KCNT2: variants seen among roughly 807,000 people sequenced by gnomAD.
KCNT2 encodes the protein potassium channel subfamily T member 2.
A neutral mutation model predicts 153.8 loss-of-function variants in KCNT2; 67 were observed. The ratio of observed to expected loss-of-function variants is 0.44; its 90% CI spans 0.36 to 0.53. The LOEUF (loss-of-function observed/expected upper bound fraction) is 0.53, where lower values mean the gene tolerates loss of function less well. KCNT2 is among the 20% of genes least tolerant of loss of function. The pLI is 0.00. For missense variants in KCNT2, 975 were observed against 1,354.8 expected (o/e 0.72, Z 4.40); for synonymous variants, 500 against 458.8 (o/e 1.09, Z -1.15).
In KCNT2 at chr1:196,504,870, G is replaced by C. The variant is rs574828732; in HGVS notation, c.96-12529C>G. Among the ~76,000 whole-genome samples, 106 of 152,284 alleles carry C rather than the reference G, an allele frequency of 7.0e-4. 1 individual carries two copies. The highest frequency in any genetic ancestry group is 2.4e-3 in the African/African-American group (101 of 41,562). On this transcript the variant is annotated intron_variant, in intron 1 of 27. Coordinates refer to ENST00000294725, the MANE Select transcript of KCNT2 (RefSeq NM_198503.5). Reference sequence around the variant, plus strand: ...GCATTTTTTTATGTGTTTTTTGGCTGCATAAATGTCTTCTTTTGAGAAGCA... The same window carrying C: ...GCATTTTTTTATGTGTTTTTTGGCTCCATAAATGTCTTCTTTTGAGAAGCA...
intron 22 of KCNT2, among the ~76,000 whole-genome samples, chr1:196,290,089 T>TAA (rs1039336872): frequency 6.8e-6 from 1 of 147,360 alleles, no homozygotes; most frequent in East Asian, 2.0e-4. Context: ...GTGTGGGAGG[T>TAA]AAAAAAAAAA....
At position 196,342,182 on chromosome 1, in the gene KCNT2, A is replaced by G. The variant is rs997188395; in HGVS notation, c.1450T>C (p.Cys484Arg). ...ATGTGGTAGACTTCATTCCCGGAGCATCTACCGTACATCTTCTGCCATTGT... is the reference window on the plus strand; with the variant it reads ...ATGTGGTAGACTTCATTCCCGGAGCGTCTACCGTACATCTTCTGCCATTGT... Reference protein sequence around the residue: ...PEQWQKMYGRCSGNEVYHIVL... With the variant: ...PEQWQKMYGRRSGNEVYHIVL... Residue 484 changes from cysteine (C) to arginine (R), a missense_variant, in exon 15 of 28, where the codon TGC becomes CGC. This residue lies in a region of KCNT2 where 325 missense variants were observed against 388.1 expected (regional missense o/e 0.84). Transcript: ENST00000294725. 3.1e-6 allele frequency: 5 copies of G among 1,611,802 alleles called. No homozygotes were observed. The highest frequency in any genetic ancestry group is 4.2e-6 in the Non-Finnish European group (5 of 1,179,052).
At chr1:196,247,345 C>A (rs548060546) in intron 26 of KCNT2, among the ~76,000 whole-genome samples, 3 of 152,276 alleles carry the variant, frequency 2.0e-5, no homozygotes, top group African/African-American at 7.2e-5. Flanking sequence ...GAGACTTCAA[C>A]AGCCCTCTTT....
At chr1:196,578,962 A>G (rs1661697689) in intron 1 of KCNT2, among the ~76,000 whole-genome samples, 1 of 151,340 alleles carries the variant, frequency 6.6e-6, no homozygotes, top group Non-Finnish European at 1.5e-5. Flanking sequence ...GAGATTTTTC[A>G]TATAATCCCT....
chr1:196,326,876 T>C lies in KCNT2; in HGVS notation c.2117A>G (p.Asn706Ser). The C allele has an allele frequency of 1.3e-6, 2 of 1,566,408 alleles. No homozygotes were observed. Among genetic ancestry groups the C allele is most frequent in the Non-Finnish European group, 1.7e-6 (2 of 1,162,750 alleles). The change falls in exon 19 of 28, where the codon AAC becomes AGC. Residue 706 changes from asparagine to serine, a missense_variant. Physicochemically the swap from Asn to Ser is conservative, Grantham distance 46. Transcript: ENST00000294725. ...CLRLDKSCQH[N>S]YYEDAKAYGF... ...ATAGGCTTTTGCATCCTCATAGTAGTTATGTTGGCAACTCTAGAGAAGAGA... is the reference window on the plus strand; with the variant it reads ...ATAGGCTTTTGCATCCTCATAGTAGCTATGTTGGCAACTCTAGAGAAGAGA...
intron 1 of KCNT2, among the ~76,000 whole-genome samples, chr1:196,601,909 A>G (rs550928395): frequency 6.6e-6 from 1 of 152,304 alleles, no homozygotes; most frequent in African/African-American, 2.4e-5. Context: ...TATTGTTACC[A>G]GTATGGATAC....
chr1:196,510,737 G>T (rs1681545929), intron 1 of KCNT2, among the ~76,000 whole-genome samples: 1 of 152,138 alleles, frequency 6.6e-6, no homozygotes, highest in Admixed American at 6.5e-5. Context: ...TTCTCCAGCT[G>T]CCAGCTGCTT....
chr1:196,390,890 CTT>C (rs61134739), intron 13 of KCNT2, among the ~76,000 whole-genome samples: 27 of 124,376 alleles, frequency 2.2e-4, no homozygotes, highest in African/African-American at 6.2e-4. Context: ...CTCATTCATT[CTT>C]TTTTTTTTTT....
At chr1:196,285,340 T>C (rs1659555945) in intron 23 of KCNT2, among the ~76,000 whole-genome samples, 1 of 152,200 alleles carries the variant, frequency 6.6e-6, no homozygotes, top group African/African-American at 2.4e-5. Flanking sequence ...TTTTACCTTT[T>C]TAAATCCAGT....
intron 1 of KCNT2, among the ~76,000 whole-genome samples, chr1:196,555,350 T>C (rs1460504047): frequency 6.6e-6 from 1 of 151,342 alleles, no homozygotes; most frequent in Non-Finnish European, 1.5e-5. Flanking sequence ...CATTTCTATA[T>C]GCCAACAGTT....
At chr1:196,533,595 G>T (rs1217879781) in intron 1 of KCNT2, among the ~76,000 whole-genome samples, 1 of 152,078 alleles carries the variant, frequency 6.6e-6, no homozygotes, top group South Asian at 2.1e-4. Context: ...GAGGAAATTT[G>T]ACTAGCTTTC....
chr1:196,455,050 A>C (rs1446107649), intron 8 of KCNT2, among the ~76,000 whole-genome samples: 1 of 151,928 alleles, frequency 6.6e-6, no homozygotes, highest in Non-Finnish European at 1.5e-5. Flanking sequence ...ATTCCCTGGC[A>C]TGTGGTCTTC....
rs1674302904 is a variant in KCNT2 at position 196,433,064 on chromosome 1, A to G, written c.639-3307T>C. 3.3e-5 allele frequency among the ~76,000 whole-genome samples: 5 copies of G among 152,098 alleles called. No individual in the cohort carries two copies. In the South Asian group the frequency reaches 1.0e-3, roughly 31 times the overall value. ...TAGCAACCTTATAAAATTGTGGGTG[A>G]GAACCAGCTGGGCTGTTTTTGCCCT... is the stretch of plus-strand genomic sequence containing the variant. On this transcript the variant is annotated intron_variant, in intron 8 of 27. Coordinates refer to ENST00000294725, the MANE Select transcript of KCNT2 (RefSeq NM_198503.5).
chr1:196,522,770 T>A (rs1262349335), intron 1 of KCNT2, among the ~76,000 whole-genome samples: 1 of 152,102 alleles, frequency 6.6e-6, no homozygotes, highest in Non-Finnish European at 1.5e-5. Context: ...AATGCACCAA[T>A]CAGCACTCTG....
chr1:196,397,670 A>G (rs16839875), intron 13 of KCNT2, among the ~76,000 whole-genome samples: 2 of 151,606 alleles, frequency 1.3e-5, no homozygotes, highest in South Asian at 4.1e-4. Flanking sequence ...AATAGCAACC[A>G]TTTCATAATT....
chr1:196,529,984 G>A (rs1654733423), intron 1 of KCNT2, among the ~76,000 whole-genome samples: 2 of 151,930 alleles, frequency 1.3e-5, no homozygotes, highest in African/African-American at 4.8e-5. Context: ...CAGGCCTGAT[G>A]ACTCAGAAAA....
intron 26 of KCNT2, chr1:196,257,183 T>A: frequency 4.3e-6 from 4 of 939,268 alleles, no homozygotes; most frequent in Non-Finnish European, 5.1e-6. Context: ...GTAACAAGAA[T>A]ATACACATAA....
At chr1:196,441,555 T>C (rs1675231312) in intron 8 of KCNT2, among the ~76,000 whole-genome samples, 2 of 151,542 alleles carry the variant, frequency 1.3e-5, no homozygotes. Context: ...TTCAATATTG[T>C]CCACATTGTC....
intron 16 of KCNT2, among the ~76,000 whole-genome samples, chr1:196,337,140 C>T (rs980962049): frequency 2.0e-5 from 3 of 152,020 alleles, no homozygotes; most frequent in Admixed American, 2.0e-4. Flanking sequence ...TTCCAAAATA[C>T]TCTTTATCTT....
Sources: gnomAD v4.1 joint callset for allele counts (sites outside exome capture counted in the v4.1 genomes callset) on GRCh38, gnomAD v4.1.1 for gene constraint, gnomAD v4.1.1 regional missense constraint, MANE v1.5 for transcripts, NCBI Gene and HGNC (gene_info 2026-07-23, HGNC 2026-07-21) for gene names.